The following SGPP2 variants were observed in gnomAD, a reference collection of about 807,000 sequenced individuals.
SGPP2 encodes sphingosine 1-phosphate phosphohydrolase 2.
In SGPP2, 30 loss-of-function variants were observed where a neutral mutation model predicts 33.9. The observed-to-expected ratio is 0.89, with a 90% confidence interval of 0.66 to 1.20. SGPP2 has a LOEUF of 1.20. Ranked by LOEUF, SGPP2 falls within the 50% of genes most tolerant of loss-of-function variation. SGPP2 has a pLI of 0.00. For synonymous variants in SGPP2, 233 were observed against 225.0 expected (o/e 1.04, Z -0.32); for missense variants, 458 against 532.1 (o/e 0.86, Z 1.37).
At chr2:222,496,960 C>T (rs1232776341) in intron 2 of SGPP2, among the ~76,000 whole-genome samples, 1 of 152,114 alleles carries the variant, frequency 6.6e-6, no homozygotes, top group South Asian at 2.1e-4. Flanking sequence ...ACAGAAGCAC[C>T]CATGTAAAGA....
intron 4 of SGPP2, among the ~76,000 whole-genome samples, chr2:222,556,438 A>G (rs77568228): frequency 9.3e-5 from 12 of 129,132 alleles, no homozygotes; most frequent in South Asian, 2.7e-4. Flanking sequence ...GTCTCCCCCC[A>G]ACCCCGGCTC....
At chr2:222,535,022 A>G (rs1231959880) in intron 4 of SGPP2, among the ~76,000 whole-genome samples, 4 of 152,234 alleles carry the variant, frequency 2.6e-5, no homozygotes, top group African/African-American at 9.6e-5. Context: ...CAACAAACAC[A>G]GGCAAATTAA....
chr2:222,497,292 G>A (rs923962338), intron 2 of SGPP2, among the ~76,000 whole-genome samples: 11 of 128,886 alleles, frequency 8.5e-5, no homozygotes, highest in East Asian at 4.6e-4. Flanking sequence ...TTGCTCTGTC[G>A]CCCAGGCTGG....
At chr2:222,509,141 G>T (rs909617935) in intron 2 of SGPP2, among the ~76,000 whole-genome samples, 1 of 151,790 alleles carries the variant, frequency 6.6e-6, no homozygotes, top group African/African-American at 2.4e-5. Flanking sequence ...AAAAAAAAAA[G>T]ACTGAACATT....
At chr2:222,457,170 T>G (rs1010765874) in intron 1 of SGPP2, among the ~76,000 whole-genome samples, 6 of 152,054 alleles carry the variant, frequency 3.9e-5, no homozygotes, top group South Asian at 2.1e-4. Context: ...TCAGTGGTTT[T>G]TTTAATTGTT....
In SGPP2 at chr2:222,476,578, G is replaced by GGA. The variant is rs1294286791; in HGVS notation, c.378+1861_378+1862dup. On this transcript the variant is annotated intron_variant, in intron 2 of 4. Transcript: ENST00000321276. The surrounding 1 kb of genome is among the most constrained non-coding windows in gnomAD (Gnocchi z 4.3). ...CCACGGAGCAGGCAGGATGGGGGCA[G>GGA]GAGAGAGAGAATGGGAGTGGTCCTT... Among the ~76,000 whole-genome samples, 2 of 152,130 alleles carry GGA rather than the reference G, an allele frequency of 1.3e-5. No individual in the cohort carries two copies. The highest frequency in any genetic ancestry group is 2.9e-5 in the Non-Finnish European group (2 of 68,022).
chr2:222,558,028 C>A (rs1001557621), intron 4 of SGPP2, among the ~76,000 whole-genome samples: 1 of 151,952 alleles, frequency 6.6e-6, no homozygotes, highest in Non-Finnish European at 1.5e-5. Context: ...ATATAAGTGT[C>A]GAAATACTAG....
In SGPP2 at chr2:222,521,863, G is replaced by A; in HGVS notation, c.475G>A (p.Glu159Lys). The change falls in exon 3 of 5, where the codon GAA becomes AAA. Residue 159 changes from glutamate to lysine, a missense_variant. Glu to Lys is a moderately conservative substitution (Grantham distance 56). Transcript: ENST00000321276. ...VVKLEKRLIA[E>K]YGMPSTHAMA... ...AAAACTGGAAAAGAGACTGATCGCT[G>A]AATATGGAATGCCATCCACCCACGC... The A allele has an allele frequency of 6.2e-7, 1 of 1,611,242 alleles. No individual in the cohort carries two copies. Among genetic ancestry groups the A allele is most frequent in the Non-Finnish European group, 8.5e-7 (1 of 1,178,978 alleles).
intron 1 of SGPP2, among the ~76,000 whole-genome samples, chr2:222,454,853 G>A (rs1164442480): frequency 2.6e-5 from 4 of 151,988 alleles, no homozygotes; most frequent in South Asian, 2.1e-4. Context: ...TTAAGAACCC[G>A]TAGATGGCTA....
intron 1 of SGPP2, among the ~76,000 whole-genome samples, chr2:222,433,570 G>C (rs968440118): frequency 2.6e-5 from 4 of 152,116 alleles, no homozygotes; most frequent in African/African-American, 9.7e-5. Context: ...AAGCTTGAAA[G>C]GTGCGCTAAA....
At chr2:222,442,849 G>C (rs966270326) in intron 1 of SGPP2, among the ~76,000 whole-genome samples, 1 of 152,150 alleles carries the variant, frequency 6.6e-6, no homozygotes, top group South Asian at 2.1e-4. Context: ...CCTCAGAGCA[G>C]ACAGTTTTAT....
At chr2:222,446,184 C>G (rs1697395993) in intron 1 of SGPP2, among the ~76,000 whole-genome samples, 1 of 151,964 alleles carries the variant, frequency 6.6e-6, no homozygotes, top group African/African-American at 2.4e-5. Flanking sequence ...GATGAGGGAG[C>G]TGAGTACGGT....
chr2:222,539,602 C>T (rs1409424704), intron 4 of SGPP2, among the ~76,000 whole-genome samples: 1 of 152,176 alleles, frequency 6.6e-6, no homozygotes, highest in East Asian at 1.9e-4. Flanking sequence ...CTCTAGAAAA[C>T]TGACAGCAGT....
intron 2 of SGPP2, among the ~76,000 whole-genome samples, chr2:222,511,675 C>T (rs144322847): frequency 0.012 from 1,803 of 152,296 alleles, 20 homozygotes; most frequent in Middle Eastern, 0.017. Context: ...AGAAATAGTT[C>T]TCTGCTGCCA....
intron 2 of SGPP2, among the ~76,000 whole-genome samples, chr2:222,478,820 C>A (rs1210114089): frequency 6.6e-6 from 1 of 152,172 alleles, no homozygotes; most frequent in African/African-American, 2.4e-5. Flanking sequence ...GCTCTCTCCT[C>A]ACAATCATAA....
At chr2:222,554,513 TG>T (rs1405108477) in intron 4 of SGPP2, among the ~76,000 whole-genome samples, 1 of 152,226 alleles carries the variant, frequency 6.6e-6, no homozygotes, top group African/African-American at 2.4e-5. Flanking sequence ...ATGAGATTGT[TG>T]GGCTGGAGGA....
chr2:222,456,156 T>C (rs1168809392), intron 1 of SGPP2, among the ~76,000 whole-genome samples: 3 of 152,226 alleles, frequency 2.0e-5, no homozygotes, highest in African/African-American at 7.2e-5. Context: ...TATTATCTGC[T>C]TTTAGAATTT....
At chr2:222,524,668 T>C (rs1179572789) in intron 3 of SGPP2, among the ~76,000 whole-genome samples, 1 of 152,212 alleles carries the variant, frequency 6.6e-6, no homozygotes, top group East Asian at 1.9e-4. Context: ...GTAGTTGTGG[T>C]CATGAGTCTT....
intron 4 of SGPP2, among the ~76,000 whole-genome samples, chr2:222,525,992 G>A (rs1408647047): frequency 5.9e-5 from 9 of 152,164 alleles, no homozygotes; most frequent in Non-Finnish European, 1.0e-4. Flanking sequence ...ACTCAGAGAA[G>A]GGGGTTTATG....
Sources: gnomAD v4.1 joint callset for allele counts (sites outside exome capture counted in the v4.1 genomes callset) on GRCh38, gnomAD v4.1.1 for gene constraint, Gnocchi (gnomAD v3.1) non-coding constraint, MANE v1.5 for transcripts, NCBI Gene and HGNC (gene_info 2026-07-23, HGNC 2026-07-21) for gene names.